CNTN5: variants seen among roughly 807,000 people sequenced by gnomAD.
The protein encoded by CNTN5 is contactin-5.
A neutral mutation model predicts 129.1 loss-of-function variants in CNTN5; 77 were observed. The ratio of observed to expected loss-of-function variants is 0.60; its 90% CI spans 0.50 to 0.72. The LOEUF (loss-of-function observed/expected upper bound fraction) is 0.72, where lower values mean the gene tolerates loss of function less well. Among genes scored for constraint, CNTN5 ranks in the 30% least tolerant of loss-of-function variants. The pLI is 0.00. For synonymous variants in CNTN5, 509 were observed against 465.6 expected (o/e 1.09, Z -1.20); for missense variants, 1,478 against 1,328.8 (o/e 1.11, Z -1.75).
chr11:99,627,558 A>T lies in CNTN5; in HGVS notation c.55+71289A>T, dbSNP rs911555136. On this transcript the variant is annotated intron_variant, in intron 3 of 24. Transcript: ENST00000524871. Reference sequence around the variant, plus strand: ...CTTCAAGGTTATCATGTAGACTATAACCCCAGTGGGGAATTTAGAAGAAAT... The same window carrying T: ...CTTCAAGGTTATCATGTAGACTATATCCCCAGTGGGGAATTTAGAAGAAAT... Among the ~76,000 whole-genome samples, 4 of 152,098 alleles carry T rather than the reference A, an allele frequency of 2.6e-5. No homozygotes were observed. In the East Asian group the frequency reaches 5.8e-4, roughly 22 times the overall value.
intron 21 of CNTN5, chr11:100,308,801 A>G (rs958887617): frequency 1.0e-6 from 1 of 989,640 alleles, no homozygotes; most frequent in Non-Finnish European, 1.2e-6. Context: ...CTTTCTAATA[A>G]TTTAATGTAT....
intron 1 of CNTN5, among the ~76,000 whole-genome samples, chr11:99,232,530 G>C (rs1046340244): frequency 8.5e-5 from 13 of 152,150 alleles, no homozygotes; most frequent in African/African-American, 3.1e-4. Flanking sequence ...GAAGTTGCTT[G>C]TCATCTTAAG....
At chr11:99,985,070 G>T (rs140465693) in intron 8 of CNTN5, among the ~76,000 whole-genome samples, 1 of 152,052 alleles carries the variant, frequency 6.6e-6, no homozygotes, top group Non-Finnish European at 1.5e-5. Flanking sequence ...TGACTTCTTC[G>T]CTCCACTACC....
At chr11:99,266,608 T>C (rs2135841913) in intron 1 of CNTN5, among the ~76,000 whole-genome samples, 1 of 151,992 alleles carries the variant, frequency 6.6e-6, no homozygotes, top group African/African-American at 2.4e-5. Context: ...TCTTAAAAAA[T>C]AATAATAAAT....
At chr11:100,323,515 T>C (rs1053547234) in intron 21 of CNTN5, among the ~76,000 whole-genome samples, 6 of 152,180 alleles carry the variant, frequency 3.9e-5, no homozygotes, top group Admixed American at 1.3e-4. Flanking sequence ...GCCATGATTT[T>C]AAAATTCTCA....
chr11:99,906,310 A>G (rs1949504443), intron 6 of CNTN5, among the ~76,000 whole-genome samples: 1 of 152,142 alleles, frequency 6.6e-6, no homozygotes, highest in South Asian at 2.1e-4. Flanking sequence ...GATAAGTTCC[A>G]TCAGTACCTA....
intron 13 of CNTN5, among the ~76,000 whole-genome samples, chr11:100,090,646 C>T (rs1944747006): frequency 6.6e-6 from 1 of 150,464 alleles, no homozygotes; most frequent in African/African-American, 2.4e-5. Context: ...GTACAAGCTA[C>T]CAGGAGATTC....
intron 21 of CNTN5, among the ~76,000 whole-genome samples, chr11:100,318,473 C>T (rs1951614005): frequency 2.0e-5 from 3 of 152,098 alleles, no homozygotes; most frequent in African/African-American, 7.2e-5. Flanking sequence ...TTATAATTGA[C>T]ATTGTCAATT....
chr11:99,925,373 G>A (rs536543254), intron 7 of CNTN5, among the ~76,000 whole-genome samples: 3 of 152,286 alleles, frequency 2.0e-5, no homozygotes, highest in African/African-American at 7.2e-5. Flanking sequence ...AAAGTAATGA[G>A]CTATATAGCG....
chr11:99,710,710 C>T (rs1378165264), intron 3 of CNTN5, among the ~76,000 whole-genome samples: 1 of 151,220 alleles, frequency 6.6e-6, no homozygotes, highest in Non-Finnish European at 1.5e-5. Context: ...CTACACAGTT[C>T]AATATTAAAG....
intron 7 of CNTN5, among the ~76,000 whole-genome samples, chr11:99,927,172 G>A (rs1950081307): frequency 6.6e-6 from 1 of 152,068 alleles, no homozygotes; most frequent in Admixed American, 6.6e-5. Flanking sequence ...ATAAATGGAA[G>A]CAAAGAAAAT....
chr11:99,308,710 A>G (rs1444408862), intron 1 of CNTN5, among the ~76,000 whole-genome samples: 2 of 152,188 alleles, frequency 1.3e-5, no homozygotes, highest in Non-Finnish European at 2.9e-5. Context: ...ATATTGTCCT[A>G]ACATTGTTTC....
At chr11:99,399,523 A>C (rs1327825576) in intron 2 of CNTN5, among the ~76,000 whole-genome samples, 1 of 151,820 alleles carries the variant, frequency 6.6e-6, no homozygotes, top group East Asian at 1.9e-4. Context: ...TACCTCACAC[A>C]TTATCTAAAG....
chr11:99,355,172 T>C (rs1938557119), intron 2 of CNTN5, among the ~76,000 whole-genome samples: 1 of 152,216 alleles, frequency 6.6e-6, no homozygotes, highest in Admixed American at 6.5e-5. Flanking sequence ...GTAACATGTT[T>C]CGTTTTTCTT....
At chr11:99,553,981 CACACACACACACACAT>C (rs1358626311) in intron 2 of CNTN5, among the ~76,000 whole-genome samples, 75 of 148,198 alleles carry the variant, frequency 5.1e-4, no homozygotes, top group South Asian at 2.0e-3. Context: ...CACACACACA[CACACACACACACACAT>C]ACACACACAC....
At chr11:99,568,575 A>T (rs1453055159) in intron 3 of CNTN5, among the ~76,000 whole-genome samples, 2 of 152,186 alleles carry the variant, frequency 1.3e-5, no homozygotes, top group African/African-American at 4.8e-5. Flanking sequence ...TTGGAATATA[A>T]AGTGGAAAGA....
chr11:99,410,842 A>G (rs2135007402), intron 2 of CNTN5, among the ~76,000 whole-genome samples: 1 of 152,336 alleles, frequency 6.6e-6, no homozygotes, highest in African/African-American at 2.4e-5. Flanking sequence ...ATAATCATTT[A>G]TAGTTACTTG....
chr11:100,037,869 A>C (rs1240991056), intron 9 of CNTN5, among the ~76,000 whole-genome samples: 1 of 150,718 alleles, frequency 6.6e-6, no homozygotes, highest in African/African-American at 2.4e-5. Flanking sequence ...TTTTTTCTTT[A>C]TTAGTCTTGC....
intron 1 of CNTN5, among the ~76,000 whole-genome samples, chr11:99,228,710 A>AT (rs36019297): frequency 1.3e-5 from 2 of 151,754 alleles, no homozygotes; most frequent in Admixed American, 6.6e-5. Context: ...GAAGTTAGAG[A>AT]TTTTTTCCTA....
Sources: gnomAD v4.1 joint callset for allele counts (sites outside exome capture counted in the v4.1 genomes callset) on GRCh38, gnomAD v4.1.1 for gene constraint, MANE v1.5 for transcripts, NCBI Gene and HGNC (gene_info 2026-07-23, HGNC 2026-07-21) for gene names.